Variants in NLRP1 observed in about 807,000 individuals in gnomAD.
NLRP1 encodes NLR family pyrin domain containing 1.
A neutral mutation model predicts 136.7 loss-of-function variants in NLRP1; 94 were observed. The ratio of observed to expected loss-of-function variants is 0.69; its 90% CI spans 0.58 to 0.82. The LOEUF (loss-of-function observed/expected upper bound fraction) is 0.82. NLRP1 is among the 40% of genes least tolerant of loss of function. NLRP1 has a pLI of 0.00. For missense variants in NLRP1, 1,575 were observed against 1,802.7 expected (o/e 0.87, Z 2.29); for synonymous variants, 690 against 725.1 (o/e 0.95, Z 0.78).
rs1597397567 is a variant in NLRP1, at chr17:5,521,567, G to A, written c.3740C>T (p.Thr1247Ile). ...LYHRVHPEEVTFHLYLIPSDC... is the reference protein window; with the variant it reads ...LYHRVHPEEVIFHLYLIPSDC... ...ACTTGGGATCAGGTAGAGGTGGAAG[G>A]TGACTTCCTCAGGATGGACGCGGTG... is the stretch of plus-strand genomic sequence containing the variant. The change falls in exon 13 of 17, where the codon ACC becomes ATC. Residue 1247 changes from threonine to isoleucine, a missense_variant. Physicochemically the swap from Thr to Ile is moderately conservative, Grantham distance 89. Coordinates refer to ENST00000572272, the MANE Select transcript of NLRP1 (RefSeq NM_033004.4). 6.2e-7 allele frequency: 1 copy of A among 1,614,010 alleles called. No individual in the cohort carries two copies. The highest frequency in any genetic ancestry group is 1.3e-5 in the African/African-American group (1 of 74,928).
chr17:5,556,111 T>TACACACACA, intron 4 of NLRP1, among the ~76,000 whole-genome samples: 1 of 131,440 alleles, frequency 7.6e-6, no homozygotes, highest in East Asian at 2.4e-4. Flanking sequence ...TCTGTCTCTC[T>TACACACACA]CTCTACACAC....
intron 12 of NLRP1, among the ~76,000 whole-genome samples, chr17:5,526,787 T>C (rs1039097002): frequency 5.3e-5 from 8 of 152,242 alleles, no homozygotes; most frequent in Non-Finnish European, 2.9e-5. Context: ...CATTTTGTGC[T>C]GGGCCCTATG....
At chr17:5,551,843 C>T (rs1185334872) in intron 5 of NLRP1, among the ~76,000 whole-genome samples, 1 of 152,194 alleles carries the variant, frequency 6.6e-6, no homozygotes, top group Non-Finnish European at 1.5e-5. Flanking sequence ...AATCACAGCT[C>T]ACTGCAGTGT....
Position 5,532,865 on chromosome 17 carries a change from G to A in NLRP1, c.3253C>T (p.Pro1085Ser). The A allele has an allele frequency of 6.2e-7, 1 of 1,612,230 alleles. No individual in the cohort carries two copies. The highest frequency in any genetic ancestry group is 1.7e-4 in the Middle Eastern group (1 of 6,052). The change falls in exon 11 of 17, where the codon CCT becomes TCT. Residue 1085 changes from proline (P) to serine (S), a missense_variant. Transcript: ENST00000572272. ...TDDDFWGPTG[P>S]VATEVVDKEK... ...TTGTCAACTACCTCAGTAGCCACAGGCCCCGTGGGGCCCCAGAAGTCATCG... is the reference window on the plus strand; with the variant it reads ...TTGTCAACTACCTCAGTAGCCACAGACCCCGTGGGGCCCCAGAAGTCATCG...
chr17:5,584,014 A>T lies in NLRP1; in HGVS notation c.-57T>A. Reference sequence around the variant, plus strand: ...GATGTTCCCAGGTGGTGAGGGTATCAGGCAGGCAGAGAACAGTGCTGTCCT... The same window carrying T: ...GATGTTCCCAGGTGGTGAGGGTATCTGGCAGGCAGAGAACAGTGCTGTCCT... On this transcript the variant is annotated 5_prime_UTR_variant, in exon 1 of 17. Transcript: ENST00000572272. 1 of 1,532,874 alleles carries T rather than the reference A, an allele frequency of 6.5e-7. No individual in the cohort carries two copies. Among genetic ancestry groups the T allele is most frequent in the Non-Finnish European group, 8.9e-7 (1 of 1,127,702 alleles). The allele number at this position is 1,532,874 out of a possible 1,614,324, so 95.0% of individuals were successfully genotyped here.
At chr17:5,564,389 C>T (rs927298031) in intron 3 of NLRP1, among the ~76,000 whole-genome samples, 12 of 152,156 alleles carry the variant, frequency 7.9e-5, no homozygotes, top group Admixed American at 2.0e-4. Context: ...TCCTTCTGCT[C>T]TCTATGTCCA....
downstream of NLRP1, among the ~76,000 whole-genome samples, chr17:5,510,066 TC>T (rs1907545069): frequency 7.4e-6 from 1 of 134,874 alleles, no homozygotes; most frequent in Non-Finnish European, 1.6e-5. Context: ...CTTCTATTCT[TC>T]TTCTTCTTTT....
chr17:5,558,252 G>A (rs1914317356), intron 4 of NLRP1, 87 bp downstream of exon 4: 3 of 1,442,664 alleles, frequency 2.1e-6, no homozygotes, highest in Admixed American at 4.4e-5. Flanking sequence ...CCCCGGCCAG[G>A]CTCAGTGAGC....
At chr17:5,538,241 G>A (rs576986308) in intron 7 of NLRP1, among the ~76,000 whole-genome samples, 1 of 152,242 alleles carries the variant, frequency 6.6e-6, no homozygotes, top group Non-Finnish European at 1.5e-5. Context: ...GTGGAGGGGA[G>A]CAGAAGTGGC....
chr17:5,580,738 A>AGTCCCC (rs1410376791), intron 3 of NLRP1, among the ~76,000 whole-genome samples: 2 of 151,942 alleles, frequency 1.3e-5, no homozygotes, highest in Non-Finnish European at 2.9e-5. Context: ...TCTGTTTTTC[A>AGTCCCC]GTTTTAATTG....
chr17:5,523,474 G>T (rs1477452597), intron 12 of NLRP1, among the ~76,000 whole-genome samples: 1 of 152,028 alleles, frequency 6.6e-6, no homozygotes, highest in East Asian at 1.9e-4. Context: ...CTTCCCCCCC[G>T]CTTAGATTTG....
rs1217566460 is a variant in NLRP1, at chr17:5,533,434, G to A, written c.3053-50C>T. ...CCAGGCATGGTGGTGAGCATCTGCAGTCCCAGTTCTACTCAGGAGGCGGAG... is the reference window on the plus strand; with the variant it reads ...CCAGGCATGGTGGTGAGCATCTGCAATCCCAGTTCTACTCAGGAGGCGGAG... On this transcript the variant is annotated intron_variant, in intron 9 of 16. Transcript: ENST00000572272. The A allele has an allele frequency of 5.4e-6, 4 of 743,894 alleles. No individual in the cohort carries two copies. The Admixed American group carries it at 6.0e-5, about 11-fold the overall frequency. 46.1% of individuals were successfully genotyped at this position (743,894 alleles called of 1,614,324 possible).
intron 3 of NLRP1, among the ~76,000 whole-genome samples, chr17:5,574,483 G>C (rs1263570261): frequency 2.6e-5 from 4 of 152,036 alleles, no homozygotes; most frequent in Non-Finnish European, 5.9e-5. Context: ...CTTAAGAAGA[G>C]CAACTCCAAG....
Position 5,521,795 on chromosome 17 carries a change from G to T in NLRP1, c.3521-9C>A, listed in dbSNP as rs771483681. 9 of 1,581,716 alleles carry T rather than the reference G, an allele frequency of 5.7e-6. No homozygotes were observed. Among genetic ancestry groups the T allele is most frequent in the Non-Finnish European group, 6.9e-6 (8 of 1,164,524 alleles). On this transcript the variant is annotated splice_polypyrimidine_tract_variant and intron_variant, in intron 12 of 16. Coordinates refer to ENST00000572272, the MANE Select transcript of NLRP1 (RefSeq NM_033004.4). ...TGTGTCCACATGGCCCCCTGTAAAA[G>T]AATGGATTGAAGAGGCACAGGTTTA...
rs1341134661 is a variant in NLRP1 at position 5,559,252 on chromosome 17, A to G, written c.1444T>C (p.Ser482Pro). The stretch of plus-strand genomic sequence containing the variant: ...AAATATTCCTTCCTGCTGGACTCAG[A>G]GAACCCCAGGACCTCTACCCAACGT... ...QARWVEVLGF[S>P]ESSRKEYFYR... The change falls in exon 4 of 17, where the codon TCT becomes CCT. Residue 482 changes from serine to proline, a missense_variant. Coordinates refer to ENST00000572272, the MANE Select transcript of NLRP1 (RefSeq NM_033004.4). The G allele has an allele frequency of 6.2e-7, 1 of 1,614,060 alleles. No homozygotes were observed. Among genetic ancestry groups the G allele is most frequent in the African/African-American group, 1.3e-5 (1 of 74,922 alleles).
At chr17:5,562,501 T>A (rs1278865670) in intron 3 of NLRP1, among the ~76,000 whole-genome samples, 2 of 151,840 alleles carry the variant, frequency 1.3e-5, no homozygotes, top group African/African-American at 4.9e-5. Context: ...GAGCCAGTAA[T>A]CAGAAGGGTC....
At chr17:5,542,494 C>T (rs1224369311) in intron 5 of NLRP1, among the ~76,000 whole-genome samples, 1 of 152,120 alleles carries the variant, frequency 6.6e-6, no homozygotes, top group Admixed American at 6.5e-5. Context: ...TGCTCCTCCA[C>T]TTGCGTCAGG....
At position 5,551,250 on chromosome 17, in the gene NLRP1, C is replaced by T. The variant is rs182845237; in HGVS notation, c.2528+2136G>A. Among the ~76,000 whole-genome samples, 54 of 152,312 alleles carry T rather than the reference C, an allele frequency of 3.5e-4. 2 individuals are homozygous for T. The highest frequency in any genetic ancestry group is 3.1e-3 in the Admixed American group (47 of 15,296). Reference sequence around the variant, plus strand: ...TTTTTTACTATCTCCTTGTTTTTGCCTCTTCCAGAATGTCATATAGTTGGA... The same window carrying T: ...TTTTTTACTATCTCCTTGTTTTTGCTTCTTCCAGAATGTCATATAGTTGGA... On this transcript the variant is annotated intron_variant, in intron 5 of 16. Coordinates refer to ENST00000572272, the MANE Select transcript of NLRP1 (RefSeq NM_033004.4).
intron 9 of NLRP1, 129 bp downstream of exon 9, chr17:5,533,768 T>G (rs1597415765): frequency 1.4e-6 from 1 of 693,430 alleles, no homozygotes; most frequent in Non-Finnish European, 2.6e-6. Context: ...CTCGTGGGGG[T>G]AGCACCCTCT....
Sources: allele counts gnomAD v4.1 joint callset (sites outside exome capture counted in the v4.1 genomes callset), GRCh38; gene constraint gnomAD v4.1.1; transcripts MANE v1.5; gene names NCBI Gene and HGNC (gene_info 2026-07-23, HGNC 2026-07-21).